GRK4: variants seen among roughly 807,000 people sequenced by gnomAD.
GRK4 encodes G protein-coupled receptor kinase 2-like.
GRK4 carries 73 observed loss-of-function variants against 77.9 expected under a neutral mutation model. The observed-to-expected ratio is 0.94, with a 90% CI of 0.78 to 1.14. The LOEUF (loss-of-function observed/expected upper bound fraction) is 1.14. GRK4 is among the 50% of genes most tolerant of loss of function. GRK4 has a pLI of 0.00. For missense variants in GRK4, 729 were observed against 700.2 expected, an observed-to-expected ratio of 1.04 and a Z score of -0.46; for synonymous variants, 257 against 254.4, an observed-to-expected ratio of 1.01 and a Z score of -0.10.
intron 7 of GRK4, among the ~76,000 whole-genome samples, chr4:3,010,006 C>T (rs56340718): frequency 0.068 from 10,303 of 152,228 alleles, 665 homozygotes; most frequent in African/African-American, 0.17. Flanking sequence ...ATTCTGTTTC[C>T]GCATTGTGGA....
intron 4 of GRK4, among the ~76,000 whole-genome samples, chr4:2,996,016 A>C (rs541289841): frequency 6.6e-6 from 1 of 152,266 alleles, no homozygotes; most frequent in South Asian, 2.1e-4. Context: ...GGAGTGAGTC[A>C]TGACTGTTCT....
chr4:2,968,945 C>T (rs1040949145), intron 1 of GRK4, among the ~76,000 whole-genome samples: 6 of 152,044 alleles, frequency 3.9e-5, no homozygotes, highest in African/African-American at 9.7e-5. Context: ...TTCCTGCATC[C>T]GTGGCTAAGG....
chr4:3,028,110 T>C, intron 11 of GRK4, 109 bp downstream of exon 11: 2 of 871,868 alleles, frequency 2.3e-6, no homozygotes, highest in Non-Finnish European at 3.8e-6. Context: ...TTGGACACAC[T>C]AGTAGATGGC....
chr4:3,038,424 G>A lies in GRK4; in HGVS notation c.1594G>A (p.Glu532Lys), dbSNP rs1741450130. The A allele has an allele frequency of 1.2e-6, 2 of 1,614,166 alleles. No homozygotes were observed. Among genetic ancestry groups the A allele is most frequent in the Non-Finnish European group, 1.7e-6 (2 of 1,180,016 alleles). ...FKDINKSESE[E>K]ALPLDLDKNI... Reference sequence around the variant, plus strand: ...AGACATCAACAAAAGTGAAAGTGAGGAAGCTTTGCCATTAGATCTAGACAA... The same window carrying A: ...AGACATCAACAAAAGTGAAAGTGAGAAAGCTTTGCCATTAGATCTAGACAA... The change falls in exon 15 of 16, where the codon GAA becomes AAA. Residue 532 changes from glutamate (E) to lysine (K), a missense_variant. By Grantham distance (56) the Glu-to-Lys change is moderately conservative. Coordinates refer to ENST00000398052, the MANE Select transcript of GRK4 (RefSeq NM_182982.3).
intron 1 of GRK4, 100 bp downstream of exon 1, chr4:2,964,222 C>T (rs980410278): frequency 9.5e-6 from 10 of 1,047,688 alleles, no homozygotes; most frequent in African/African-American, 9.5e-5. Flanking sequence ...CGGAGAACCC[C>T]GATTTCCCTG....
chr4:3,013,014 G>A (rs1013251804), intron 7 of GRK4, among the ~76,000 whole-genome samples: 10 of 151,368 alleles, frequency 6.6e-5, no homozygotes, highest in African/African-American at 9.7e-5. Context: ...GCATGGTGGC[G>A]GGCACCTGTA....
chr4:3,036,558 T>C (rs1444168111), intron 13 of GRK4, among the ~76,000 whole-genome samples: 1 of 152,250 alleles, frequency 6.6e-6, no homozygotes, highest in Non-Finnish European at 1.5e-5. Context: ...ACTTCCGTGC[T>C]TTTTGTTCCT....
Position 3,004,116 on chromosome 4 carries a change from T to G in GRK4, c.340-115T>G, listed in dbSNP as rs563192805. ...GGGGTGGAGGGTCCAGGTGGCACTT[T>G]GACTTTCATTTTATACACTTTGTGT... On this transcript the variant is annotated intron_variant, in intron 4 of 15. Transcript: ENST00000398052. The G allele has an allele frequency of 2.8e-4, 225 of 794,926 alleles. No homozygotes were observed. In the African/African-American group the frequency reaches 3.7e-3, roughly 13 times the overall value. The allele number at this position is 794,926 out of a possible 1,614,324, so 49.2% of individuals were successfully genotyped here. A position where few individuals can be genotyped will look rare whatever the true frequency, so the allele number is the denominator to read the frequency against.
chr4:3,001,368 TA>T (rs1426147129), intron 4 of GRK4, among the ~76,000 whole-genome samples: 915 of 76,602 alleles, frequency 0.012, 49 homozygotes, highest in African/African-American at 0.048. Context: ...TATATATATA[TA>T]TTTTTTTTTT....
chr4:3,003,397 G>T (rs1213156685), intron 4 of GRK4, among the ~76,000 whole-genome samples: 1 of 151,960 alleles, frequency 6.6e-6, no homozygotes, highest in Non-Finnish European at 1.5e-5. Context: ...CACCATGTTG[G>T]CCAGGCTGGT....
rs1553867097 is a variant in GRK4, at chr4:2,964,147, A to AT, written c.52+25_52+26insT. On this transcript the variant is annotated intron_variant, in intron 1 of 15. Transcript: ENST00000398052. ...GGTGGGTGCGCGGCAGGCGCCCCCG[A>AT]CCCCCCCCCCAGAGAACCCCGAATC... 11 of 1,153,514 alleles carry AT rather than the reference A, an allele frequency of 9.5e-6. No homozygotes were observed. In the South Asian group the frequency reaches 1.5e-4, roughly 16 times the overall value. The allele number at this position is 1,153,514 out of a possible 1,614,324, so 71.5% of individuals were successfully genotyped here.
chr4:3,032,310 A>C (rs1216897898), intron 12 of GRK4, among the ~76,000 whole-genome samples: 1 of 117,058 alleles, frequency 8.5e-6, no homozygotes, highest in Non-Finnish European at 1.9e-5. Flanking sequence ...GTGAAATCCT[A>C]TCTCTACTAA....
chr4:3,013,867 AT>A (rs1452915936), intron 8 of GRK4, 39 bp downstream of exon 8: 2 of 1,555,516 alleles, frequency 1.3e-6, no homozygotes, highest in East Asian at 4.6e-5. Context: ...GCATTGTTTG[AT>A]TCATAGCACT....
At chr4:3,001,354 CATAT>C (rs1265017845) in intron 4 of GRK4, among the ~76,000 whole-genome samples, 2 of 103,352 alleles carry the variant, frequency 1.9e-5, no homozygotes, top group African/African-American at 4.5e-5. Context: ...CACACACACA[CATAT>C]ATATATATAT....
chr4:3,024,177 T>G (rs1186162953), intron 10 of GRK4, among the ~76,000 whole-genome samples: 4 of 152,286 alleles, frequency 2.6e-5, no homozygotes, highest in South Asian at 4.1e-4. Context: ...GATGCCAGGA[T>G]GGTTGCTGGG....
At chr4:3,031,541 G>A (rs1022067055) in intron 12 of GRK4, among the ~76,000 whole-genome samples, 5 of 152,212 alleles carry the variant, frequency 3.3e-5, no homozygotes, top group African/African-American at 1.2e-4. Context: ...TGGGCTGCAT[G>A]CCAGGGAGTG....
At position 3,007,760 on chromosome 4, in the gene GRK4, G is replaced by T; in HGVS notation, c.468G>T (p.Gly156=). 1 of 1,608,360 alleles carries T rather than the reference G, an allele frequency of 6.2e-7. No individual in the cohort carries two copies. Among genetic ancestry groups the T allele is most frequent in the Non-Finnish European group, 8.5e-7 (1 of 1,177,190 alleles). ...CTRVAHNYLR[G]EPFEEYQESS... is the part of the protein sequence containing the mutation. ...GAGTTGCCCATAACTACCTAAGAGGGGAACCATTTGAAGAATACCAAGAAA... is the reference window on the plus strand; with the variant it reads ...GAGTTGCCCATAACTACCTAAGAGGTGAACCATTTGAAGAATACCAAGAAA... The change falls in exon 6 of 16, where the codon GGG becomes GGT. Residue 156 remains glycine (G), a synonymous_variant. Coordinates refer to ENST00000398052, the MANE Select transcript of GRK4 (RefSeq NM_182982.3).
intron 1 of GRK4, chr4:2,965,359 G>A: frequency 1.4e-6 from 1 of 703,020 alleles, no homozygotes; most frequent in Non-Finnish European, 2.6e-6. Context: ...TGCGTCTCAA[G>A]AGAGCTGGCG....
intron 6 of GRK4, among the ~76,000 whole-genome samples, chr4:3,009,319 G>A (rs1259479100): frequency 6.6e-6 from 1 of 151,784 alleles, no homozygotes; most frequent in Non-Finnish European, 1.5e-5. Context: ...CTACTCGGGA[G>A]GCTGAGGCAG....
Sources: gnomAD v4.1 joint callset for allele counts (sites outside exome capture counted in the v4.1 genomes callset) on GRCh38, gnomAD v4.1.1 for gene constraint, MANE v1.5 for transcripts, NCBI Gene and HGNC (gene_info 2026-07-23, HGNC 2026-07-21) for gene names.